MYH6: variants seen among roughly 807,000 people sequenced by gnomAD.
MYH6 encodes the protein myosin-6.
Under a neutral mutation model 223.2 loss-of-function variants are expected in MYH6, and 126 were observed. The ratio of observed to expected loss-of-function variants is 0.56; its 90% confidence interval spans 0.49 to 0.65. MYH6 has a LOEUF of 0.65. MYH6 is among the 30% of genes least tolerant of loss of function. The pLI, the probability that MYH6 is intolerant of heterozygous loss-of-function variation, is 0.00. For synonymous variants in MYH6, 978 were observed against 1,010.2 expected (o/e 0.97, Z 0.61); for missense variants, 2,040 against 2,536.4 (o/e 0.80, Z 4.20).
Position 23,388,927 on chromosome 14 carries a change from C to T in MYH6, c.4107G>A (p.Glu1369=). The T allele has an allele frequency of 1.2e-6, 2 of 1,613,820 alleles. No homozygotes were observed. Among genetic ancestry groups the T allele is most frequent in the Non-Finnish European group, 1.7e-6 (2 of 1,180,042 alleles). Residue 1369 remains glutamate, a synonymous_variant, in exon 29 of 39, where the codon GAG becomes GAA. Transcript: ENST00000405093. Reference sequence around the variant, plus strand: ...CATACTTGGTCCTCCACTGGGCCACCTCCGAGTTGGCCTTGGACAGGACGC... The same window carrying T: ...CATACTTGGTCCTCCACTGGGCCACTTCCGAGTTGGCCTTGGACAGGACGC... ...LQRVLSKANS[E]VAQWRTKYET... is the part of the protein sequence containing the mutation.
At chr14:23,383,983 G>A (rs185382344) in intron 36 of MYH6, among the ~76,000 whole-genome samples, 1 of 152,060 alleles carries the variant, frequency 6.6e-6, no homozygotes, top group Admixed American at 6.5e-5. Flanking sequence ...TGAAAATAAC[G>A]GGCCAAGGGC....
chr14:23,399,004 A>C lies in MYH6; in HGVS notation c.1615T>G (p.Cys539Gly). ...MGIMSILEEE[C>G]MFPKATDMTF... is the part of the protein sequence containing the mutation. Reference sequence around the variant, plus strand: ...ATGTCAGTGGCCTTGGGGAACATGCACTCCTCCTCCAGGATGGACATGATG... The same window carrying C: ...ATGTCAGTGGCCTTGGGGAACATGCCCTCCTCCTCCAGGATGGACATGATG... Residue 539 changes from cysteine (C) to glycine (G), a missense_variant, in exon 15 of 39, where the codon TGC becomes GGC. Around this residue, in one of 4 missense-constraint regions of MYH6, gnomAD observed 649 missense variants for 877.3 expected, o/e 0.74. Transcript: ENST00000405093. 1 of 1,613,854 alleles carries C rather than the reference A, an allele frequency of 6.2e-7. No individual in the cohort carries two copies. Among genetic ancestry groups the C allele is most frequent in the Non-Finnish European group, 8.5e-7 (1 of 1,179,978 alleles).
At chr14:23,404,513 C>A in intron 7 of MYH6, 125 bp from the exon 8 acceptor site, 1 of 1,214,926 alleles carries the variant, frequency 8.2e-7, no homozygotes, top group South Asian at 1.2e-5. Context: ...GCTAGTGGGT[C>A]TGCGACTCCA....
At chr14:23,389,263 G>A (rs1891151176) in intron 28 of MYH6, 130 bp downstream of exon 28, 2 of 1,217,762 alleles carry the variant, frequency 1.6e-6, no homozygotes, top group Admixed American at 1.9e-5. Context: ...TTAGCTGCAG[G>A]GCAGAACCTA....
At position 23,406,600 on chromosome 14, in the gene MYH6, A is replaced by T. The variant is rs528680953; in HGVS notation, c.201+423T>A. 1.6e-4 allele frequency among the ~76,000 whole-genome samples: 25 copies of T among 152,234 alleles called. No individual in the cohort carries two copies. In the East Asian group the frequency reaches 2.1e-3, roughly 13 times the overall value. On this transcript the variant is annotated intron_variant, in intron 3 of 38. Transcript: ENST00000405093. ...AGAGTGCTCAGCTCAAAAGTTTCTGATCTTTGTGTTCATCTGGGTCTAAGA... is the reference window on the plus strand; with the variant it reads ...AGAGTGCTCAGCTCAAAAGTTTCTGTTCTTTGTGTTCATCTGGGTCTAAGA...
At position 23,387,531 on chromosome 14, in the gene MYH6, C is replaced by T; in HGVS notation, c.4648G>A (p.Glu1550Lys). ...TGCAGGGAGTTCTCGGCCCTCACCTCTGCCTCCTCCAGGGCTGACTGCAGC... is the reference window on the plus strand; with the variant it reads ...TGCAGGGAGTTCTCGGCCCTCACCTTTGCCTCCTCCAGGGCTGACTGCAGC... ...LELQSALEEA[E>K]ASLEHEEGKI... The change falls in exon 32 of 39, where the codon GAG (glutamate) becomes AAG (lysine). Residue 1550 changes from glutamate to lysine, a missense_variant and splice_region_variant. Around this residue, in one of 4 missense-constraint regions of MYH6, gnomAD observed 1,203 missense variants for 1,400.2 expected, o/e 0.86. Transcript: ENST00000405093. The T allele has an allele frequency of 6.2e-7, 1 of 1,613,654 alleles. No individual in the cohort carries two copies. The highest frequency in any genetic ancestry group is 8.5e-7 in the Non-Finnish European group (1 of 1,180,020).
chr14:23,397,952 C>CTTCTTCTTCTAT (rs1891464430), intron 15 of MYH6, among the ~76,000 whole-genome samples: 3 of 91,170 alleles, frequency 3.3e-5, no homozygotes, highest in Non-Finnish European at 6.6e-5. Context: ...TCTTCTTCTT[C>CTTCTTCTTCTAT]TTCTTCTTCT....
In MYH6 at chr14:23,397,176, C is replaced by A. The variant is rs927752391; in HGVS notation, c.2044G>T (p.Ala682Ser). 5.0e-6 allele frequency: 8 copies of A among 1,614,106 alleles called. No homozygotes were observed. Among genetic ancestry groups the A allele is most frequent in the African/African-American group, 1.3e-5 (1 of 74,940 alleles). ...AGGTCTTCTCCTGGCTCACCTGGAGCCTTCCGCTCATTGGGGATGATGCAA... is the reference window on the plus strand; with the variant it reads ...AGGTCTTCTCCTGGCTCACCTGGAGACTTCCGCTCATTGGGGATGATGCAA... ...VRCIIPNERKAPGVMDNPLVM... is the reference protein window; with the variant it reads ...VRCIIPNERKSPGVMDNPLVM... Residue 682 changes from alanine to serine, a missense_variant, in exon 17 of 39, where the codon GCT becomes TCT. By Grantham distance (99) the Ala-to-Ser change is moderately conservative. Coordinates refer to ENST00000405093, the MANE Select transcript of MYH6 (RefSeq NM_002471.4).
In MYH6 at chr14:23,407,209, C is replaced by G. The variant is rs1891818033; in HGVS notation, c.15G>C (p.Gln5His). Reference protein sequence around the residue: MTDAQMADFGAAAQY... With the variant: MTDAHMADFGAAAQY... ...GGGCCGCTGCCCCAAAGTCAGCCAT[C>G]TGGGCATCGGTCATCTTGGTGCTTC... The change falls in exon 3 of 39, where the codon CAG (glutamine) becomes CAC (histidine). Residue 5 changes from glutamine (Q) to histidine (H), a missense_variant. Around this residue, in one of 4 missense-constraint regions of MYH6, gnomAD observed 184 missense variants for 232.4 expected, o/e 0.79. Transcript: ENST00000405093. The surrounding 1 kb of genome is among the most constrained non-coding windows in gnomAD (Gnocchi z 5.6). 1.2e-6 allele frequency: 2 copies of G among 1,614,144 alleles called. No individual in the cohort carries two copies. The highest frequency in any genetic ancestry group is 1.1e-5 in the South Asian group (1 of 91,092).
At chr14:23,394,421 C>G in intron 20 of MYH6, 98 bp from the exon 21 acceptor site, 5 of 1,459,152 alleles carry the variant, frequency 3.4e-6, no homozygotes. Context: ...AGACTTCCTT[C>G]TTGTGCACAC....
intron 24 of MYH6, 127 bp from the exon 25 acceptor site, chr14:23,392,779 G>A (rs1196595095): frequency 1.6e-5 from 24 of 1,482,272 alleles, no homozygotes; most frequent in South Asian, 3.4e-5. Context: ...AGAAAGTGGC[G>A]GAAGAGGGCT....
At position 23,405,400 on chromosome 14, in the gene MYH6, G is replaced by C; in HGVS notation, c.346-21C>G. 6.2e-7 allele frequency: 1 copy of C among 1,614,064 alleles called. No homozygotes were observed. The highest frequency in any genetic ancestry group is 1.1e-5 in the South Asian group (1 of 91,074). On this transcript the variant is annotated intron_variant, in intron 4 of 38. Coordinates refer to ENST00000405093, the MANE Select transcript of MYH6 (RefSeq NM_002471.4). The surrounding 1 kb of genome is among the most constrained non-coding windows in gnomAD (Gnocchi z 4.7). The stretch of plus-strand genomic sequence containing the variant: ...TAGGTCTGGAGCAGGAGACAAGGCT[G>C]GGCATGAGGTTGGTGGGGAGAGCCT...
rs200153625 is a variant in MYH6, at chr14:23,394,162, G to A, written c.2591C>T (p.Thr864Met). 4.3e-5 allele frequency: 69 copies of A among 1,614,062 alleles called. No individual in the cohort carries two copies. The highest frequency in any genetic ancestry group is 3.3e-4 in the Middle Eastern group (2 of 6,084). Residue 864 changes from threonine to methionine, a missense_variant, in exon 21 of 39, where the codon ACG becomes ATG. Transcript: ENST00000405093. ...GCGGCGAGCCTCGGACTTCTCCAGC[G>A]TCTCTTTGATGCGCCCGAACTCTTC... Reference protein sequence around the residue: ...MKEEFGRIKETLEKSEARRKE... With the variant: ...MKEEFGRIKEMLEKSEARRKE...
chr14:23,395,687 C>T (rs767657072), intron 20 of MYH6, among the ~76,000 whole-genome samples: 7 of 152,168 alleles, frequency 4.6e-5, no homozygotes, highest in Admixed American at 1.3e-4. Context: ...CCACCACACC[C>T]GGCTAATTTT....
Position 23,388,847 on chromosome 14 carries a change from T to C in MYH6, c.4175+12A>G, listed in dbSNP as rs199673752. The C allele has an allele frequency of 6.2e-7, 1 of 1,613,856 alleles. No homozygotes were observed. The highest frequency in any genetic ancestry group is 2.2e-5 in the East Asian group (1 of 44,880). ...CTCTGAGAGTCAGGTTAAGGGGGTA[T>C]CTGGAGCTCACTTGGCCTCTTCGAG... On this transcript the variant is annotated intron_variant, in intron 29 of 38. Transcript: ENST00000405093.
At chr14:23,383,130 A>G (rs1388370658) in intron 37 of MYH6, 95 bp downstream of exon 37, 1 of 1,133,932 alleles carries the variant, frequency 8.8e-7, no homozygotes, top group Non-Finnish European at 1.3e-6. Flanking sequence ...AGTTTATAGC[A>G]AACTCTTTGT....
chr14:23,386,882 C>T (rs539234277), intron 32 of MYH6, among the ~76,000 whole-genome samples: 2 of 152,152 alleles, frequency 1.3e-5, no homozygotes, highest in Non-Finnish European at 2.9e-5. Flanking sequence ...TGCATAAATT[C>T]CTGACCTGTC....
chr14:23,382,622 C>T, intron 37 of MYH6, 60 bp from the exon 38 acceptor site: 1 of 1,613,536 alleles, frequency 6.2e-7, no homozygotes, highest in African/African-American at 1.3e-5. Context: ...GATTCTCAGC[C>T]TCTCAACCTG....
chr14:23,396,797 A>G lies in MYH6; in HGVS notation c.2189T>C (p.Val730Ala), dbSNP rs763963623. The G allele has an allele frequency of 1.9e-5, 30 of 1,613,918 alleles. No individual in the cohort carries two copies. Among genetic ancestry groups the G allele is most frequent in the Admixed American group, 3.3e-5 (2 of 60,016 alleles). Residue 730 changes from valine (V) to alanine (A), a missense_variant, in exon 19 of 39, where the codon GTG (valine) becomes GCG (alanine). Physicochemically the swap from Val to Ala is moderately conservative, Grantham distance 64. This residue lies in a region of MYH6 where 649 missense variants were observed against 877.3 expected (regional missense o/e 0.74). Coordinates refer to ENST00000405093, the MANE Select transcript of MYH6 (RefSeq NM_002471.4). ...AATGAACTGTCCCTCAGGGATGGCC[A>G]CTGGGTTCAGGATGCGATACCTGAG... ...FRQRYRILNPVAIPEGQFIDS... is the reference protein window; with the variant it reads ...FRQRYRILNPAAIPEGQFIDS...
Sources: gnomAD v4.1 joint callset for allele counts (sites outside exome capture counted in the v4.1 genomes callset) on GRCh38, gnomAD v4.1.1 for gene constraint, gnomAD v4.1.1 regional missense constraint, Gnocchi (gnomAD v3.1) non-coding constraint, MANE v1.5 for transcripts, NCBI Gene and HGNC (gene_info 2026-07-23, HGNC 2026-07-21) for gene names.